Variants in VEGFC observed in about 807,000 individuals in gnomAD.
VEGFC encodes the protein FLT4 ligand DHM.
Under a neutral mutation model 46.1 loss-of-function variants are expected in VEGFC, and 12 were observed. The ratio of observed to expected loss-of-function variants is 0.26; its 90% confidence interval spans 0.17 to 0.42. VEGFC has a LOEUF of 0.42. Ranked by LOEUF, VEGFC falls within the 10% of genes least tolerant of loss-of-function variation. The probability of loss-of-function intolerance (pLI) is 1.00; values close to 1 mark genes in which losing one functional copy is unlikely to be tolerated. For missense variants in VEGFC, 488 were observed against 529.4 expected, an observed-to-expected ratio of 0.92 and a Z score of 0.77; for synonymous variants, 232 against 195.5, an observed-to-expected ratio of 1.19 and a Z score of -1.56.
intron 1 of VEGFC, among the ~76,000 whole-genome samples, chr4:176,760,022 G>A (rs1246120448): frequency 2.6e-5 from 4 of 151,908 alleles, no homozygotes; most frequent in Non-Finnish European, 4.4e-5. Context: ...ATAACAAGGA[G>A]GACATAAAAC....
At chr4:176,728,889 A>T (rs1002373047) in intron 2 of VEGFC, among the ~76,000 whole-genome samples, 1 of 152,130 alleles carries the variant, frequency 6.6e-6, no homozygotes, top group African/African-American at 2.4e-5. Flanking sequence ...TTTAATAGAG[A>T]TGAGGTCTTG....
chr4:176,792,252 C>G lies in VEGFC; in HGVS notation c.60G>C (p.Pro20=), dbSNP rs1736110586. ...CGGCGGCGGGCGCCTCGCGAGGACC[C>G]GGGAGCAGCGCAGCGGCGAGCAGAG... ...ACSLLAAALL[P]GPREAPAAAA... The change falls in exon 1 of 7, where the codon CCG becomes CCC. Residue 20 remains proline, a synonymous_variant. Transcript: ENST00000618562. The surrounding 1 kb of genome is among the most constrained non-coding windows in gnomAD (Gnocchi z 6.3). 6.4e-7 allele frequency: 1 copy of G among 1,554,290 alleles called. No homozygotes were observed. The highest frequency in any genetic ancestry group is 8.7e-7 in the Non-Finnish European group (1 of 1,152,832).
At chr4:176,714,504 A>T (rs562054916) in intron 3 of VEGFC, among the ~76,000 whole-genome samples, 4 of 152,344 alleles carry the variant, frequency 2.6e-5, no homozygotes, top group African/African-American at 9.6e-5. Flanking sequence ...CAATGCAAAA[A>T]CAAAGTAATA....
chr4:176,756,990 T>C (rs566569734), intron 1 of VEGFC, among the ~76,000 whole-genome samples: 4 of 152,184 alleles, frequency 2.6e-5, no homozygotes, highest in Non-Finnish European at 4.4e-5. Context: ...ATTGGTTATA[T>C]GAATTACATA....
intron 4 of VEGFC, among the ~76,000 whole-genome samples, chr4:176,710,651 T>C (rs957017644): frequency 1.3e-5 from 2 of 152,182 alleles, no homozygotes; most frequent in African/African-American, 4.8e-5. Flanking sequence ...TATACATTTG[T>C]TACAAATGCT....
Position 176,713,078 on chromosome 4 carries a change from C to G in VEGFC, c.553-1428G>C, listed in dbSNP as rs369836302. ...TCTCAGATTATAAAGATTACATAAA[C>G]TAAATGAATCTGATATGTATATTAT... On this transcript the variant is annotated intron_variant, in intron 3 of 6. Coordinates refer to ENST00000618562, the MANE Select transcript of VEGFC (RefSeq NM_005429.5). Among the ~76,000 whole-genome samples, 6 of 152,206 alleles carry G rather than the reference C, an allele frequency of 3.9e-5. No homozygotes were observed. In the East Asian group the frequency reaches 1.2e-3, roughly 29 times the overall value.
intron 1 of VEGFC, among the ~76,000 whole-genome samples, chr4:176,738,883 G>T (rs1735102880): frequency 6.6e-6 from 1 of 151,816 alleles, no homozygotes; most frequent in Non-Finnish European, 1.5e-5. Flanking sequence ...AGTGGGCAAA[G>T]AACATGAACA....
intron 4 of VEGFC, among the ~76,000 whole-genome samples, chr4:176,704,357 C>A (rs1560939959): frequency 6.6e-6 from 1 of 152,108 alleles, no homozygotes; most frequent in East Asian, 1.9e-4. Flanking sequence ...TGATGTCTTA[C>A]AAATATTACA....
intron 1 of VEGFC, among the ~76,000 whole-genome samples, chr4:176,765,176 C>A (rs1735597321): frequency 6.6e-6 from 1 of 151,380 alleles, no homozygotes; most frequent in Non-Finnish European, 1.5e-5. Flanking sequence ...AATGTAATAA[C>A]TGAAAATAGG....
At chr4:176,788,264 G>A (rs1167843992) in intron 1 of VEGFC, among the ~76,000 whole-genome samples, 1 of 152,152 alleles carries the variant, frequency 6.6e-6, no homozygotes, top group Non-Finnish European at 1.5e-5. Flanking sequence ...TTAGTCAAAC[G>A]AACACCATGT....
rs57302349 is a variant in VEGFC, at chr4:176,690,880, C to T, written c.705-2953G>A. Among the ~76,000 whole-genome samples, 638 of 152,218 alleles carry T rather than the reference C, an allele frequency of 4.2e-3. 10 individuals carry two copies. Among genetic ancestry groups the T allele is most frequent in the African/African-American group, 0.015 (613 of 41,528 alleles). ...GGTAGAAAGGCATCTTTCATTTTAC[C>T]AACATGTGATTTATACTGCCATTAC... On this transcript the variant is annotated intron_variant, in intron 4 of 6. Coordinates refer to ENST00000618562, the MANE Select transcript of VEGFC (RefSeq NM_005429.5).
At chr4:176,712,706 GACCATTGAAA>G (rs1236601311) in intron 3 of VEGFC, among the ~76,000 whole-genome samples, 1 of 151,926 alleles carries the variant, frequency 6.6e-6, no homozygotes, top group Non-Finnish European at 1.5e-5. Flanking sequence ...ATCAGCTGAA[GACCATTGAAA>G]ATATTTATGG....
intron 4 of VEGFC, among the ~76,000 whole-genome samples, chr4:176,703,998 G>T (rs1734479831): frequency 6.6e-6 from 1 of 152,084 alleles, no homozygotes; most frequent in Non-Finnish European, 1.5e-5. Flanking sequence ...AGTATGGTAA[G>T]TTATTAGTAA....
intron 4 of VEGFC, among the ~76,000 whole-genome samples, chr4:176,694,204 G>C (rs1165316290): frequency 1.8e-4 from 27 of 151,222 alleles, no homozygotes; most frequent in Non-Finnish European, 3.0e-4. Flanking sequence ...AAAGAGTCAA[G>C]ACCCATCAGT....
At chr4:176,742,854 A>G (rs1404318636) in intron 1 of VEGFC, among the ~76,000 whole-genome samples, 1 of 152,058 alleles carries the variant, frequency 6.6e-6, no homozygotes, top group East Asian at 1.9e-4. Flanking sequence ...CCAAACATTG[A>G]ATTTATTCAA....
chr4:176,790,997 T>A (rs1332646955), intron 1 of VEGFC, among the ~76,000 whole-genome samples: 1 of 152,198 alleles, frequency 6.6e-6, no homozygotes, highest in Admixed American at 6.5e-5. Flanking sequence ...CATTTTAATG[T>A]TTTCCCAAAA....
intron 4 of VEGFC, among the ~76,000 whole-genome samples, chr4:176,699,312 G>A (rs745933904): frequency 5.3e-5 from 8 of 152,154 alleles, no homozygotes; most frequent in East Asian, 1.9e-4. Flanking sequence ...TCAGAGCATC[G>A]TCATGTCACT....
At chr4:176,727,327 TCAATA>T (rs2111015627) in intron 3 of VEGFC, among the ~76,000 whole-genome samples, 1 of 152,332 alleles carries the variant, frequency 6.6e-6, no homozygotes, top group Non-Finnish European at 1.5e-5. Context: ...ATGGCTTATT[TCAATA>T]CTATACCACT....
At chr4:176,745,203 T>C (rs1336840275) in intron 1 of VEGFC, among the ~76,000 whole-genome samples, 3 of 152,140 alleles carry the variant, frequency 2.0e-5, no homozygotes, top group Non-Finnish European at 4.4e-5. Flanking sequence ...ATCCAGTTGA[T>C]AATTACTTGC....
Sources: allele counts gnomAD v4.1 joint callset (sites outside exome capture counted in the v4.1 genomes callset), GRCh38; gene constraint gnomAD v4.1.1; non-coding constraint Gnocchi (gnomAD v3.1); transcripts MANE v1.5; gene names NCBI Gene and HGNC (gene_info 2026-07-23, HGNC 2026-07-21).